Variants in SLC1A1 observed in about 807,000 individuals in gnomAD.
The protein encoded by SLC1A1 is solute carrier family 1 member 1.
SLC1A1 carries 43 observed loss-of-function variants against 53.3 expected under a neutral mutation model. The observed-to-expected ratio is 0.81, with a 90% CI of 0.63 to 1.04. The LOEUF (loss-of-function observed/expected upper bound fraction) is 1.04. Among genes scored for constraint, SLC1A1 ranks in the 50% least tolerant of loss-of-function variants. The pLI is 0.00. For missense variants in SLC1A1, 748 were observed against 664.9 expected (o/e 1.12, Z -1.37); for synonymous variants, 307 against 243.2 (o/e 1.26, Z -2.44).
intron 1 of SLC1A1, among the ~76,000 whole-genome samples, chr9:4,535,312 T>C (rs979864566): frequency 5.3e-5 from 8 of 152,080 alleles, no homozygotes; most frequent in African/African-American, 1.9e-4. Flanking sequence ...AAAACCCCAT[T>C]GTCTCAGCCC....
intron 1 of SLC1A1, among the ~76,000 whole-genome samples, chr9:4,537,094 A>G (rs1283648242): frequency 6.6e-6 from 1 of 152,106 alleles, no homozygotes; most frequent in East Asian, 1.9e-4. Flanking sequence ...CCTAATGTTA[A>G]ATGACGAGTT....
At chr9:4,503,793 C>G (rs1159422764) in intron 1 of SLC1A1, among the ~76,000 whole-genome samples, 1 of 151,914 alleles carries the variant, frequency 6.6e-6, no homozygotes, top group African/African-American at 2.4e-5. Context: ...CAGCATTGTA[C>G]TTACTTCACA....
At chr9:4,506,119 C>G (rs550928546) in intron 1 of SLC1A1, among the ~76,000 whole-genome samples, 1 of 152,090 alleles carries the variant, frequency 6.6e-6, no homozygotes, top group African/African-American at 2.4e-5. Flanking sequence ...TGCCGTCTGA[C>G]TTAATTTTTG....
intron 4 of SLC1A1, among the ~76,000 whole-genome samples, chr9:4,565,692 C>A (rs1819419535): frequency 1.3e-5 from 2 of 152,108 alleles, no homozygotes. Flanking sequence ...TGGGTGGGGA[C>A]ACAGAGCCAA....
Position 4,585,369 on chromosome 9 carries a change from G to A in SLC1A1, c.1386G>A (p.Val462=), listed in dbSNP as rs200256669. Residue 462 remains valine (V), a synonymous_variant, in exon 12 of 12, where the codon GTG becomes GTA. Coordinates refer to ENST00000262352, the MANE Select transcript of SLC1A1 (RefSeq NM_004170.6). ...VLGDAFGTGI[V]EKLSKKELEQ... is the part of the protein sequence containing the mutation. Reference sequence around the variant, plus strand: ...GTGATGCTTTTGGGACGGGCATTGTGGAAAAGCTCTCCAAGAAGGAGCTGG... The same window carrying A: ...GTGATGCTTTTGGGACGGGCATTGTAGAAAAGCTCTCCAAGAAGGAGCTGG... 1.2e-6 allele frequency: 2 copies of A among 1,614,182 alleles called. No individual in the cohort carries two copies. Among genetic ancestry groups the A allele is most frequent in the African/African-American group, 2.7e-5 (2 of 75,044 alleles).
At position 4,573,899 on chromosome 9, in the gene SLC1A1, C is replaced by CT; in HGVS notation, c.768-5dup. ...CGGAATCACGCCTCTGTTGTGCTTC[C>CT]TTTCCAGTTATATGCCACTAGGTAT... On this transcript the variant is annotated splice_polypyrimidine_tract_variant and splice_region_variant and intron_variant, in intron 7 of 11. Transcript: ENST00000262352. 2 of 1,585,156 alleles carry CT rather than the reference C, an allele frequency of 1.3e-6. No individual in the cohort carries two copies. Among genetic ancestry groups the CT allele is most frequent in the Non-Finnish European group, 1.7e-6 (2 of 1,153,588 alleles).
At chr9:4,504,810 T>C (rs1386428905) in intron 1 of SLC1A1, among the ~76,000 whole-genome samples, 1 of 152,218 alleles carries the variant, frequency 6.6e-6, no homozygotes, top group Non-Finnish European at 1.5e-5. Context: ...ATATTTAATA[T>C]ACCTTTCACT....
At chr9:4,520,899 A>G (rs546811701) in intron 1 of SLC1A1, among the ~76,000 whole-genome samples, 1 of 152,238 alleles carries the variant, frequency 6.6e-6, no homozygotes, top group African/African-American at 2.4e-5. Context: ...AAAAGATTCC[A>G]GTTTCTCCAC....
chr9:4,543,828 TA>T (rs1175989065), intron 1 of SLC1A1, among the ~76,000 whole-genome samples: 1 of 152,090 alleles, frequency 6.6e-6, no homozygotes, highest in Non-Finnish European at 1.5e-5. Flanking sequence ...AAATATACCA[TA>T]AAAAGTACTT....
At chr9:4,526,045 G>A (rs1365423925) in intron 1 of SLC1A1, among the ~76,000 whole-genome samples, 1 of 152,086 alleles carries the variant, frequency 6.6e-6, no homozygotes, top group African/African-American at 2.4e-5. Context: ...AGCACTTTGG[G>A]AGGCCGAAGC....
At position 4,556,167 on chromosome 9, in the gene SLC1A1, G is replaced by A. The variant is rs72691995; in HGVS notation, c.233-5282G>A. Among the ~76,000 whole-genome samples, 1 of 151,824 alleles carries A rather than the reference G, an allele frequency of 6.6e-6. No homozygotes were observed. Among genetic ancestry groups the A allele is most frequent in the Non-Finnish European group, 1.5e-5 (1 of 67,964 alleles). On this transcript the variant is annotated intron_variant, in intron 2 of 11. Transcript: ENST00000262352. The surrounding 1 kb of genome is among the most constrained non-coding windows in gnomAD (Gnocchi z 4.1). ...TCACACCCAGCAAATTTGTGTGTGT[G>A]TGTGGTTTTGTTTTTGTTTTTTTGT...
At chr9:4,565,188 G>C (rs1365479743) in intron 4 of SLC1A1, among the ~76,000 whole-genome samples, 3 of 152,088 alleles carry the variant, frequency 2.0e-5, no homozygotes, top group African/African-American at 7.2e-5. Flanking sequence ...CCTTTATTGA[G>C]TTTCCAGGTA....
chr9:4,553,536 T>G (rs1818119566), intron 2 of SLC1A1: 1 of 152,034 alleles, frequency 6.6e-6, no homozygotes, highest in Non-Finnish European at 1.5e-5. Context: ...CCGGCTAATT[T>G]TTGTATTTTT....
intron 10 of SLC1A1, among the ~76,000 whole-genome samples, chr9:4,576,982 A>T (rs559377150): frequency 6.6e-6 from 1 of 152,368 alleles, no homozygotes; most frequent in Admixed American, 6.5e-5. Flanking sequence ...AGTTTACTGA[A>T]GCCAGTAGGA....
intron 10 of SLC1A1, among the ~76,000 whole-genome samples, chr9:4,580,471 C>G (rs1820955637): frequency 6.6e-6 from 1 of 151,888 alleles, no homozygotes; most frequent in Non-Finnish European, 1.5e-5. Context: ...GTCTCAGCTA[C>G]TCAGGAGGCT....
At chr9:4,500,053 T>C (rs532736895) in intron 1 of SLC1A1, among the ~76,000 whole-genome samples, 67 of 152,246 alleles carry the variant, frequency 4.4e-4, no homozygotes, top group African/African-American at 1.5e-3. Flanking sequence ...GAAATTGTGA[T>C]TACCTTTAAC....
chr9:4,537,010 A>C (rs987966144), intron 1 of SLC1A1, among the ~76,000 whole-genome samples: 1 of 151,968 alleles, frequency 6.6e-6, no homozygotes, highest in Non-Finnish European at 1.5e-5. Context: ...ACTTGGACAC[A>C]GGAAGGGGAA....
At chr9:4,515,689 A>G (rs1586703275) in intron 1 of SLC1A1, among the ~76,000 whole-genome samples, 1 of 152,214 alleles carries the variant, frequency 6.6e-6, no homozygotes, top group East Asian at 1.9e-4. Context: ...TTTCACTCCT[A>G]GAGTACTGCA....
intron 2 of SLC1A1, among the ~76,000 whole-genome samples, chr9:4,547,187 T>A (rs1256525656): frequency 6.6e-6 from 1 of 152,248 alleles, no homozygotes; most frequent in Non-Finnish European, 1.5e-5. Flanking sequence ...CAGAAACAGA[T>A]ACTTCCTCTA....
Sources: allele counts gnomAD v4.1 joint callset (sites outside exome capture counted in the v4.1 genomes callset), GRCh38; gene constraint gnomAD v4.1.1; non-coding constraint Gnocchi (gnomAD v3.1); transcripts MANE v1.5; gene names NCBI Gene and HGNC (gene_info 2026-07-23, HGNC 2026-07-21).